Variants in PCCA observed in about 807,000 individuals in gnomAD.
The protein encoded by PCCA is propionyl-CoA carboxylase subunit alpha.
A neutral mutation model predicts 101.3 loss-of-function variants in PCCA; 74 were observed. That is an observed-to-expected ratio of 0.73 (90% CI 0.61 to 0.89). The LOEUF is 0.89. Among genes scored for constraint, PCCA ranks in the 40% least tolerant of loss-of-function variants. PCCA has a pLI of 0.00. For missense variants in PCCA, 891 were observed against 907.0 expected, an observed-to-expected ratio of 0.98 and a Z score of 0.23; for synonymous variants, 294 against 313.6, an observed-to-expected ratio of 0.94 and a Z score of 0.66.
intron 22 of PCCA, among the ~76,000 whole-genome samples, chr13:100,525,698 A>G (rs762266505): frequency 1.6e-4 from 24 of 152,222 alleles, no homozygotes; most frequent in Non-Finnish European, 2.8e-4. Context: ...GTGTGGTGGA[A>G]GGGCACACCT....
chr13:100,525,372 C>T (rs1249251720), intron 22 of PCCA, among the ~76,000 whole-genome samples: 2 of 152,180 alleles, frequency 1.3e-5, no homozygotes, highest in East Asian at 1.9e-4. Flanking sequence ...GTTACCTGTG[C>T]GTTACCTCTT....
intron 22 of PCCA, among the ~76,000 whole-genome samples, chr13:100,524,373 TCGTGTG>T (rs1307189417): frequency 7.1e-4 from 23 of 32,244 alleles, no homozygotes; most frequent in Non-Finnish European, 1.6e-3. Flanking sequence ...TCAATTAAGC[TCGTGTG>T]TGTGTGTGTG....
chr13:100,188,914 T>C (rs901171755), intron 6 of PCCA, among the ~76,000 whole-genome samples: 1 of 152,040 alleles, frequency 6.6e-6, no homozygotes, highest in Non-Finnish European at 1.5e-5. Context: ...ATACTTTAAG[T>C]TCTGGGGTAC....
At chr13:100,451,230 T>C (rs2081204091) in intron 21 of PCCA, among the ~76,000 whole-genome samples, 1 of 152,116 alleles carries the variant, frequency 6.6e-6, no homozygotes, top group Non-Finnish European at 1.5e-5. Flanking sequence ...TCTAAAAATA[T>C]CTTCGATGAT....
intron 12 of PCCA, among the ~76,000 whole-genome samples, chr13:100,300,488 T>C (rs1336910515): frequency 1.3e-5 from 2 of 152,234 alleles, no homozygotes; most frequent in African/African-American, 4.8e-5. Context: ...TGTCAGAGTG[T>C]ATGAAATATG....
At chr13:100,422,118 C>CTTTCTTTG (rs1567109563) in intron 19 of PCCA, among the ~76,000 whole-genome samples, 1 of 51,166 alleles carries the variant, frequency 2.0e-5, no homozygotes, top group East Asian at 6.3e-4. Context: ...TTCTTTCTTT[C>CTTTCTTTG]TTTTCTTTCT....
At chr13:100,238,441 T>G (rs2060936428) in intron 8 of PCCA, among the ~76,000 whole-genome samples, 1 of 152,200 alleles carries the variant, frequency 6.6e-6, no homozygotes, top group Non-Finnish European at 1.5e-5. Flanking sequence ...GGGCACATCC[T>G]TTATGACTCC....
chr13:100,402,356 C>T lies in PCCA; in HGVS notation c.1747-23277C>T, dbSNP rs989739278. On this transcript the variant is annotated intron_variant, in intron 19 of 23. Transcript: ENST00000376285. ...CCATTAAGATAATGAAAGTGAGCCA[C>T]GATGCTTGTGTCAGTTTTTATATTT... 9.2e-5 allele frequency among the ~76,000 whole-genome samples: 14 copies of T among 151,722 alleles called. No homozygotes were observed. The South Asian group carries it at 1.2e-3, about 14-fold the overall frequency.
intron 2 of PCCA, among the ~76,000 whole-genome samples, chr13:100,105,655 A>G (rs1447212905): frequency 3.5e-5 from 3 of 85,796 alleles, no homozygotes; most frequent in Admixed American, 1.2e-4. Context: ...CCCTGTCTCT[A>G]CCAAAAAAAA....
At chr13:100,202,589 A>G (rs2058594312) in intron 6 of PCCA, among the ~76,000 whole-genome samples, 1 of 149,844 alleles carries the variant, frequency 6.7e-6, no homozygotes, top group South Asian at 2.1e-4. Context: ...TGGTCTTTTA[A>G]TATGTATTTT....
chr13:100,479,802 T>C (rs2083735457), intron 21 of PCCA: 1 of 137,196 alleles, frequency 7.3e-6, no homozygotes, highest in Non-Finnish European at 1.5e-5. Context: ...AATGGCCTAC[T>C]CTAAGTCCTA....
At chr13:100,413,189 T>G (rs1337850085) in intron 19 of PCCA, among the ~76,000 whole-genome samples, 1 of 152,174 alleles carries the variant, frequency 6.6e-6, no homozygotes, top group African/African-American at 2.4e-5. Flanking sequence ...AGTACTAGAA[T>G]GCTAAACAGT....
At chr13:100,239,663 G>C (rs2061002647) in intron 8 of PCCA, among the ~76,000 whole-genome samples, 1 of 152,082 alleles carries the variant, frequency 6.6e-6, no homozygotes, top group African/African-American at 2.4e-5. Context: ...ATTGAAGTTT[G>C]ATCTTTTTAC....
At chr13:100,403,464 A>G (rs1480361463) in intron 19 of PCCA, among the ~76,000 whole-genome samples, 1 of 152,156 alleles carries the variant, frequency 6.6e-6, no homozygotes, top group Non-Finnish European at 1.5e-5. Flanking sequence ...GCTTCCAATC[A>G]CGGTGGAAGG....
At chr13:100,516,736 CGT>C (rs3840000) in intron 22 of PCCA, among the ~76,000 whole-genome samples, 2,063 of 144,984 alleles carry the variant, frequency 0.014, 24 homozygotes, top group Non-Finnish European at 0.021. Flanking sequence ...AGAAAAATTA[CGT>C]GTGTGTGTGT....
At chr13:100,094,829 C>T (rs943340404) in intron 1 of PCCA, among the ~76,000 whole-genome samples, 1 of 152,202 alleles carries the variant, frequency 6.6e-6, no homozygotes, top group Non-Finnish European at 1.5e-5. Flanking sequence ...CTCAATTGAT[C>T]CGCCTGCCTC....
chr13:100,402,993 G>T (rs1252471916), intron 19 of PCCA, among the ~76,000 whole-genome samples: 1 of 150,978 alleles, frequency 6.6e-6, no homozygotes, highest in Non-Finnish European at 1.5e-5. Flanking sequence ...ACCATGTGGA[G>T]AACTTAATTT....
At chr13:100,179,828 G>T (rs559527123) in intron 6 of PCCA, among the ~76,000 whole-genome samples, 162 of 152,220 alleles carry the variant, frequency 1.1e-3, no homozygotes, top group Non-Finnish European at 6.6e-4. Context: ...AATAACTGAT[G>T]ATGAGAGAAG....
At chr13:100,226,953 AGT>A (rs1472565459) in intron 7 of PCCA, among the ~76,000 whole-genome samples, 1 of 152,256 alleles carries the variant, frequency 6.6e-6, no homozygotes, top group East Asian at 1.9e-4. Flanking sequence ...CTAGTAACTC[AGT>A]CACAGTCACA....
Sources: allele counts gnomAD v4.1 joint callset (sites outside exome capture counted in the v4.1 genomes callset), GRCh38; gene constraint gnomAD v4.1.1; transcripts MANE v1.5; gene names NCBI Gene and HGNC (gene_info 2026-07-23, HGNC 2026-07-21).